Variants in TENT5D observed in about 807,000 individuals in gnomAD.
TENT5D encodes cancer/testis antigen 112.
For missense variants in TENT5D, 191 were observed against 287.0 expected, an observed-to-expected ratio of 0.67 and a Z score of 2.42; for synonymous variants, 103 against 100.6, an observed-to-expected ratio of 1.02 and a Z score of -0.15.
At chrX:80,405,588 G>A (rs1288494123) in intron 3 of TENT5D, among the ~76,000 whole-genome samples, 3 of 112,240 alleles carry the variant, frequency 2.7e-5, no homozygotes, top group Non-Finnish European at 5.6e-5. Context: ...TCTCGCACCT[G>A]GCTCGGAGGG....
At chrX:80,405,660 G>C in intron 3 of TENT5D, among the ~76,000 whole-genome samples, 1 of 111,683 alleles carries the variant, frequency 9.0e-6, no homozygotes, top group Non-Finnish European at 1.9e-5. Context: ...ACTGCAAGGC[G>C]GCAGCGAGGC....
chrX:80,346,041 A>C (rs768029093), intron 3 of TENT5D, among the ~76,000 whole-genome samples: 1 of 112,099 alleles, frequency 8.9e-6, no homozygotes, highest in South Asian at 3.7e-4. Flanking sequence ...TGTTATAGTC[A>C]TATTCTTCAT....
At chrX:80,338,378 G>C (rs924599491) in intron 2 of TENT5D, among the ~76,000 whole-genome samples, 7 of 111,992 alleles carry the variant, frequency 6.3e-5, no homozygotes, top group African/African-American at 1.6e-4. Flanking sequence ...GTGTGAATTT[G>C]ACTGGGATAA....
intron 3 of TENT5D, among the ~76,000 whole-genome samples, chrX:80,353,920 C>T (rs1487286425): frequency 8.9e-6 from 1 of 111,914 alleles, no homozygotes; most frequent in Non-Finnish European, 1.9e-5. Flanking sequence ...TCCCTTGTTT[C>T]CACAGCTTTG....
chrX:80,422,292 G>T (rs1044143283), intron 1 of TENT5D, among the ~76,000 whole-genome samples: 2 of 110,606 alleles, frequency 1.8e-5, no homozygotes, highest in Non-Finnish European at 3.8e-5. Context: ...GACCAACATG[G>T]TGAAACCCCG....
chrX:80,438,733 G>A lies in TENT5D; in HGVS notation c.-19+1G>A, dbSNP rs902616948. 1 of 110,453 alleles carries A rather than the reference G, an allele frequency of 9.1e-6. No individual in the cohort carries two copies. The highest frequency in any genetic ancestry group is 3.3e-5 in the African/African-American group (1 of 30,525). The allele number at this position is 110,453 out of a possible 1,213,427, so 9.1% of individuals were successfully genotyped here. A position where few individuals can be genotyped will look rare whatever the true frequency, so the allele number is the denominator to read the frequency against. On this transcript the variant is annotated splice_donor_variant, in intron 2 of 2. Coordinates refer to ENST00000308293, the Ensembl canonical transcript of TENT5D. LOFTEE classifies it low-confidence loss of function (5UTR_SPLICE). ...CATTCTTGAAAGCAATCCTTTCAAT[G>A]TAAGTATGATGTCTTTTCTCACTGT...
intron 3 of TENT5D, among the ~76,000 whole-genome samples, chrX:80,368,424 T>G (rs1472143365): frequency 8.9e-6 from 1 of 112,050 alleles, no homozygotes; most frequent in African/African-American, 3.2e-5. Flanking sequence ...ACTGGCAGGT[T>G]GTATTTATAC....
upstream of TENT5D, among the ~76,000 whole-genome samples, chrX:80,417,569 T>G (rs752045028): frequency 9.0e-6 from 1 of 111,188 alleles, no homozygotes; most frequent in African/African-American, 3.3e-5. Context: ...CTTATGAAGC[T>G]TAGTTTGACT....
intron 3 of TENT5D, among the ~76,000 whole-genome samples, chrX:80,360,810 A>G (rs745566441): frequency 3.2e-4 from 36 of 112,175 alleles, no homozygotes; most frequent in African/African-American, 1.2e-3. Context: ...GAAAAGTATT[A>G]AAAAGGTAGT....
intron 3 of TENT5D, among the ~76,000 whole-genome samples, chrX:80,383,848 T>A (rs1488333610): frequency 1.8e-5 from 2 of 109,448 alleles, no homozygotes; most frequent in African/African-American, 6.7e-5. Flanking sequence ...AGAGCGAGAC[T>A]CCATCTCAAA....
chrX:80,370,314 C>T (rs550082979), intron 3 of TENT5D, among the ~76,000 whole-genome samples: 12 of 111,260 alleles, frequency 1.1e-4, no homozygotes, highest in South Asian at 3.7e-4. Context: ...TGATGTGATA[C>T]GCTACAATTA....
intron 2 of TENT5D, among the ~76,000 whole-genome samples, chrX:80,336,957 G>C (rs915655057): frequency 8.9e-6 from 1 of 111,755 alleles, no homozygotes; most frequent in African/African-American, 3.2e-5. Flanking sequence ...AGTGGTTTTT[G>C]TTTTTGTGAG....
intron 1 of TENT5D, among the ~76,000 whole-genome samples, chrX:80,434,832 G>C (rs1257473761): frequency 1.9e-5 from 2 of 104,520 alleles, no homozygotes; most frequent in Non-Finnish European, 3.9e-5. Context: ...GCCTAGGCTG[G>C]AGTGCCATGA....
At chrX:80,356,091 T>TATATTCTAATATAA (rs1930278421) in intron 3 of TENT5D, among the ~76,000 whole-genome samples, 1 of 112,223 alleles carries the variant, frequency 8.9e-6, no homozygotes, top group Non-Finnish European at 1.9e-5. Flanking sequence ...ATTACTTTTT[T>TATATTCTAATATAA]ATATTAGAGC....
At chrX:80,360,399 G>C (rs1366687576) in intron 3 of TENT5D, among the ~76,000 whole-genome samples, 3 of 111,561 alleles carry the variant, frequency 2.7e-5, no homozygotes, top group Admixed American at 9.6e-5. Context: ...TGACATTTTG[G>C]TTCAAGTATA....
intron 3 of TENT5D, among the ~76,000 whole-genome samples, chrX:80,392,866 A>G (rs1437817995): frequency 9.0e-6 from 1 of 110,918 alleles, no homozygotes; most frequent in Non-Finnish European, 1.9e-5. Flanking sequence ...TTTTTGCCCT[A>G]CAATATGATT....
intron 2 of TENT5D, among the ~76,000 whole-genome samples, chrX:80,442,222 T>C (rs1932298345): frequency 9.0e-6 from 1 of 111,293 alleles, no homozygotes; most frequent in African/African-American, 3.3e-5. Flanking sequence ...ACCATCATTA[T>C]AGTATTTACA....
chrX:80,441,306 G>T (rs1228738823), intron 2 of TENT5D, among the ~76,000 whole-genome samples: 1 of 111,408 alleles, frequency 9.0e-6, no homozygotes, highest in African/African-American at 3.2e-5. Flanking sequence ...CAGATATGCT[G>T]TTGCTTAATA....
Position 80,379,480 on chromosome X carries a change from A to T in TENT5D, c.-142+36916A>T, listed in dbSNP as rs1406115461. ...GGCCTCATAAAATGAGTTAGGGAGGATTCCCTCTTTTTCCCTCTTTTTCTA... is the reference window on the plus strand; with the variant it reads ...GGCCTCATAAAATGAGTTAGGGAGGTTTCCCTCTTTTTCCCTCTTTTTCTA... On this transcript the variant is annotated intron_variant, in intron 3 of 4. Coordinates refer to the TENT5D transcript ENST00000538312. Among the ~76,000 whole-genome samples, 6 of 110,786 alleles carry T rather than the reference A, an allele frequency of 5.4e-5. No homozygotes were observed. The East Asian group carries it at 1.1e-3, about 21-fold the overall frequency.
Sources: gnomAD v4.1 joint callset for allele counts (sites outside exome capture counted in the v4.1 genomes callset) on GRCh38, gnomAD v4.1.1 for gene constraint, MANE v1.5 for transcripts, NCBI Gene and HGNC (gene_info 2026-07-23, HGNC 2026-07-21) for gene names.